Variants in LUZP2 observed in about 807,000 individuals in gnomAD.
The protein encoded by LUZP2 is leucine zipper protein 2.
In LUZP2, 52 loss-of-function variants were observed where a neutral mutation model predicts 51.6. That is an observed-to-expected ratio of 1.01 (90% CI 0.81 to 1.27). The LOEUF (loss-of-function observed/expected upper bound fraction) is 1.27, where lower values mean the gene tolerates loss of function less well. Ranked by LOEUF, LUZP2 falls within the 50% of genes most tolerant of loss-of-function variation. The probability of loss-of-function intolerance (pLI) is 0.00; values close to 1 mark genes in which losing one functional copy is unlikely to be tolerated. For missense variants in LUZP2, 436 were observed against 395.4 expected (o/e 1.10, Z -0.87); for synonymous variants, 154 against 137.3 (o/e 1.12, Z -0.85).
intron 7 of LUZP2, among the ~76,000 whole-genome samples, chr11:24,921,440 A>G (rs994178808): frequency 1.3e-5 from 2 of 152,078 alleles, no homozygotes; most frequent in African/African-American, 2.4e-5. Flanking sequence ...GGAGGTGGCC[A>G]TTACACTTGG....
Position 25,064,951 on chromosome 11 carries a change from G to A in LUZP2, c.859-12378G>A, listed in dbSNP as rs1858956439. On this transcript the variant is annotated intron_variant, in intron 10 of 11. Coordinates refer to ENST00000336930, the MANE Select transcript of LUZP2 (RefSeq NM_001009909.4). Reference sequence around the variant, plus strand: ...CTAGATATTGAGGTTTAATATGTTAGCATTTAAAACCATAATCATAACCAA... The same window carrying A: ...CTAGATATTGAGGTTTAATATGTTAACATTTAAAACCATAATCATAACCAA... Among the ~76,000 whole-genome samples the A allele has an allele frequency of 2.0e-5, 3 of 152,098 alleles. No individual in the cohort carries two copies. The South Asian group carries it at 6.2e-4, about 32-fold the overall frequency.
At chr11:24,824,693 G>A (rs1045273209) in intron 5 of LUZP2, among the ~76,000 whole-genome samples, 1 of 151,836 alleles carries the variant, frequency 6.6e-6, no homozygotes, top group Non-Finnish European at 1.5e-5. Context: ...TATTTTATAT[G>A]ATCACACATA....
intron 1 of LUZP2, among the ~76,000 whole-genome samples, chr11:24,527,666 C>T (rs1009414491): frequency 2.0e-5 from 3 of 150,610 alleles, no homozygotes; most frequent in African/African-American, 7.3e-5. Context: ...TCAGTTCCAC[C>T]CCTGCCTCCC....
intron 9 of LUZP2, among the ~76,000 whole-genome samples, chr11:24,992,168 T>C (rs1856368198): frequency 6.6e-6 from 1 of 152,180 alleles, no homozygotes; most frequent in Non-Finnish European, 1.5e-5. Flanking sequence ...GAGCTCCTCA[T>C]AAATACATAC....
intron 5 of LUZP2, among the ~76,000 whole-genome samples, chr11:24,779,039 T>G (rs1296857134): frequency 6.6e-6 from 1 of 152,188 alleles, no homozygotes; most frequent in African/African-American, 2.4e-5. Flanking sequence ...TGTGTGTGTA[T>G]TTTTAAATGT....
At chr11:24,801,404 G>A (rs1483495871) in intron 5 of LUZP2, among the ~76,000 whole-genome samples, 2 of 151,840 alleles carry the variant, frequency 1.3e-5, no homozygotes, top group East Asian at 3.9e-4. Context: ...CCAGGTTTTG[G>A]TGATGTATTG....
chr11:24,644,278 G>T (rs902496970), intron 1 of LUZP2, among the ~76,000 whole-genome samples: 2 of 152,124 alleles, frequency 1.3e-5, no homozygotes, highest in African/African-American at 4.8e-5. Context: ...AGCTGGATCT[G>T]CATGCACACT....
At chr11:24,701,058 T>G (rs558784847) in intron 1 of LUZP2, among the ~76,000 whole-genome samples, 8 of 152,326 alleles carry the variant, frequency 5.3e-5, no homozygotes, top group African/African-American at 1.9e-4. Context: ...TATGGCTGTA[T>G]TCATCTGTTT....
At chr11:24,939,074 T>TC (rs942646575) in intron 7 of LUZP2, among the ~76,000 whole-genome samples, 2 of 150,918 alleles carry the variant, frequency 1.3e-5, no homozygotes, top group Non-Finnish European at 3.0e-5. Context: ...TCTCTCTCTC[T>TC]TTTTTTTTAA....
intron 1 of LUZP2, among the ~76,000 whole-genome samples, chr11:24,501,950 G>C (rs1850007145): frequency 6.6e-6 from 1 of 152,134 alleles, no homozygotes; most frequent in Admixed American, 6.5e-5. Flanking sequence ...AAAATATTTT[G>C]TGATCAACCT....
chr11:24,690,933 T>G (rs528510047), intron 1 of LUZP2, among the ~76,000 whole-genome samples: 1 of 152,206 alleles, frequency 6.6e-6, no homozygotes, highest in Admixed American at 6.6e-5. Context: ...TTTAAGATGA[T>G]AATTCAGTTT....
intron 1 of LUZP2, among the ~76,000 whole-genome samples, chr11:24,697,917 G>A (rs1299820523): frequency 6.6e-6 from 1 of 152,154 alleles, no homozygotes; most frequent in Admixed American, 6.5e-5. Context: ...CTAAGGAACT[G>A]ATTCAGCTGG....
intron 7 of LUZP2, among the ~76,000 whole-genome samples, chr11:24,924,539 G>C (rs1031192731): frequency 3.3e-5 from 5 of 151,960 alleles, no homozygotes; most frequent in Non-Finnish European, 5.9e-5. Flanking sequence ...ACTCAACCTT[G>C]GCAAAATCCA....
intron 7 of LUZP2, among the ~76,000 whole-genome samples, chr11:24,960,092 G>T (rs1374288607): frequency 6.6e-6 from 1 of 152,126 alleles, no homozygotes; most frequent in African/African-American, 2.4e-5. Context: ...GCATCCCAGG[G>T]ATGAAGCCCA....
chr11:24,839,359 G>T (rs1482384386), intron 5 of LUZP2, among the ~76,000 whole-genome samples: 4 of 151,472 alleles, frequency 2.6e-5, no homozygotes, highest in Non-Finnish European at 5.9e-5. Context: ...AAATCTTGTT[G>T]TTCTATTTTT....
chr11:24,555,036 A>G (rs760408037), intron 1 of LUZP2, among the ~76,000 whole-genome samples: 8 of 152,148 alleles, frequency 5.3e-5, no homozygotes, highest in Non-Finnish European at 8.8e-5. Context: ...GCCTGGCCAA[A>G]CTATCATTGA....
intron 10 of LUZP2, among the ~76,000 whole-genome samples, chr11:25,075,283 A>T (rs1363380952): frequency 1.3e-5 from 2 of 152,136 alleles, no homozygotes; most frequent in East Asian, 3.9e-4. Flanking sequence ...TCAGCTATTG[A>T]TTTTTAGTCT....
chr11:25,066,397 G>A (rs1264577239), intron 10 of LUZP2, among the ~76,000 whole-genome samples: 1 of 151,888 alleles, frequency 6.6e-6, no homozygotes, highest in Non-Finnish European at 1.5e-5. Flanking sequence ...ATACGTGGGA[G>A]TTTACAAAAT....
intron 5 of LUZP2, among the ~76,000 whole-genome samples, chr11:24,826,798 G>T (rs1054057784): frequency 6.6e-6 from 1 of 151,954 alleles, no homozygotes; most frequent in Non-Finnish European, 1.5e-5. Context: ...TTTCTGAAAA[G>T]TTTACCTTGT....
Sources: gnomAD v4.1 joint callset for allele counts (sites outside exome capture counted in the v4.1 genomes callset) on GRCh38, gnomAD v4.1.1 for gene constraint, MANE v1.5 for transcripts, NCBI Gene and HGNC (gene_info 2026-07-23, HGNC 2026-07-21) for gene names.